Variants in NAA16 observed in about 807,000 individuals in gnomAD.
The protein encoded by NAA16 is NARG1-like protein.
A neutral mutation model predicts 110.3 loss-of-function variants in NAA16; 97 were observed. The ratio of observed to expected loss-of-function variants is 0.88; its 90% confidence interval spans 0.75 to 1.04. The LOEUF (loss-of-function observed/expected upper bound fraction) is 1.04. Ranked by LOEUF, NAA16 falls within the 50% of genes least tolerant of loss-of-function variation. The probability of loss-of-function intolerance (pLI) is 0.00; values close to 1 mark genes in which losing one functional copy is unlikely to be tolerated. For missense variants in NAA16, 1,017 were observed against 1,005.1 expected (o/e 1.01, Z -0.16); for synonymous variants, 372 against 330.6 (o/e 1.13, Z -1.36).
In NAA16 at chr13:41,369,155, A is replaced by G; in HGVS notation, c.1819A>G (p.Lys607Glu). The G allele has an allele frequency of 1.3e-6, 2 of 1,595,988 alleles. No individual in the cohort carries two copies. Among genetic ancestry groups the G allele is most frequent in the Non-Finnish European group, 1.7e-6 (2 of 1,174,804 alleles). The change falls in exon 15 of 20, where the codon AAA becomes GAA. Residue 607 changes from lysine to glutamate, a missense_variant. Coordinates refer to ENST00000379406, the MANE Select transcript of NAA16 (RefSeq NM_024561.5). Reference sequence around the variant, plus strand: ...GCAGAGAAGAGCTCAGAAAAAGGCTAAACTAGAAGAAGAAAGAAAGCATGC... The same window carrying G: ...GCAGAGAAGAGCTCAGAAAAAGGCTGAACTAGAAGAAGAAAGAAAGCATGC... ...SKQRRAQKKA[K>E]LEEERKHAER...
At position 41,320,832 on chromosome 13, in the gene NAA16, C is replaced by T. The variant is rs559283228; in HGVS notation, c.402+8C>T. On this transcript the variant is annotated splice_region_variant and intron_variant, in intron 4 of 19. Coordinates refer to ENST00000379406, the MANE Select transcript of NAA16 (RefSeq NM_024561.5). ...GACCTTGAAGGTTACCGAGTAAGTA[C>T]TTCATTCTTAAATGTACATGATTTT... 6.3e-7 allele frequency: 1 copy of T among 1,583,964 alleles called. No individual in the cohort carries two copies. The highest frequency in any genetic ancestry group is 1.9e-5 in the Admixed American group (1 of 52,566).
At chr13:41,318,656 T>C in intron 2 of NAA16, 150 bp from the exon 3 acceptor site, 1 of 412,624 alleles carries the variant, frequency 2.4e-6, no homozygotes, top group East Asian at 3.6e-5. Context: ...GTTTTACTTT[T>C]TCTACTTGGA....
chr13:41,341,083 G>A (rs1489073614), intron 9 of NAA16, among the ~76,000 whole-genome samples: 5 of 152,078 alleles, frequency 3.3e-5, no homozygotes, highest in African/African-American at 1.2e-4. Flanking sequence ...CCAGTTATGC[G>A]GTCAATTTTA....
chr13:41,350,617 TTTG>T (rs201707291), intron 9 of NAA16, among the ~76,000 whole-genome samples: 1,625 of 22,738 alleles, frequency 0.071, 29 homozygotes, highest in South Asian at 0.17. Flanking sequence ...GTTTTTTTTT[TTTG>T]TTTGTTTGTT....
At chr13:41,366,896 A>G (rs557509115) in intron 13 of NAA16, among the ~76,000 whole-genome samples, 2 of 152,308 alleles carry the variant, frequency 1.3e-5, no homozygotes, top group Admixed American at 1.3e-4. Context: ...CGCATCCCTA[A>G]TAAGAAGCTT....
chr13:41,314,900 C>T (rs543394135), intron 1 of NAA16, among the ~76,000 whole-genome samples: 75 of 152,092 alleles, frequency 4.9e-4, no homozygotes, highest in Non-Finnish European at 9.3e-4. Flanking sequence ...ACTCAGGAGG[C>T]TAAGGTGGGA....
Position 41,323,200 on chromosome 13 carries a change from T to G in NAA16, c.537+10T>G. ...TAGACAAACTCAGCAAGTAAGAATT[T>G]TAATGTTTCCTTCTACCTTCATAAA... is the stretch of plus-strand genomic sequence containing the variant. On this transcript the variant is annotated intron_variant, in intron 5 of 19. Coordinates refer to ENST00000379406, the MANE Select transcript of NAA16 (RefSeq NM_024561.5). The G allele has an allele frequency of 6.2e-7, 1 of 1,612,982 alleles. No homozygotes were observed. Among genetic ancestry groups the G allele is most frequent in the Non-Finnish European group, 8.5e-7 (1 of 1,179,420 alleles).
In NAA16 at chr13:41,347,947, A is replaced by G. The variant is rs959650984; in HGVS notation, c.1015-7197A>G. ...AGGAAAAGCATCTAGATTTTTCACC[A>G]TTAAGTACTGTGTTAGCTGTGGGTT... On this transcript the variant is annotated intron_variant, in intron 9 of 19. Coordinates refer to ENST00000379406, the MANE Select transcript of NAA16 (RefSeq NM_024561.5). 3.9e-5 allele frequency among the ~76,000 whole-genome samples: 6 copies of G among 152,172 alleles called. No homozygotes were observed. The East Asian group carries it at 5.8e-4, about 15-fold the overall frequency.
intron 8 of NAA16, among the ~76,000 whole-genome samples, chr13:41,332,962 G>A (rs1169683429): frequency 6.6e-6 from 1 of 152,088 alleles, no homozygotes; most frequent in Non-Finnish European, 1.5e-5. Flanking sequence ...AATACAGAGA[G>A]CAGATTTCTC....
chr13:41,325,463 T>A (rs1593427253), intron 5 of NAA16, among the ~76,000 whole-genome samples: 1 of 152,212 alleles, frequency 6.6e-6, no homozygotes, highest in East Asian at 1.9e-4. Context: ...TTTTTATATT[T>A]GTATGTAGGA....
At chr13:41,351,455 T>G (rs960150855) in intron 9 of NAA16, among the ~76,000 whole-genome samples, 1 of 152,232 alleles carries the variant, frequency 6.6e-6, no homozygotes, top group Non-Finnish European at 1.5e-5. Flanking sequence ...AGTAGTGTAC[T>G]TAATTTAGTA....
At chr13:41,325,258 G>A (rs189827671) in intron 5 of NAA16, among the ~76,000 whole-genome samples, 2 of 141,740 alleles carry the variant, frequency 1.4e-5, no homozygotes, top group East Asian at 2.1e-4. Flanking sequence ...CCTGGCCAAC[G>A]GAACTTACAT....
chr13:41,328,613 A>G lies in NAA16; in HGVS notation c.692-111A>G, dbSNP rs577660972. 65 of 874,642 alleles carry G rather than the reference A, an allele frequency of 7.4e-5. No individual in the cohort carries two copies. The African/African-American group carries it at 1.1e-3, about 15-fold the overall frequency. 54.2% of individuals were successfully genotyped at this position (874,642 alleles called of 1,614,324 possible). On this transcript the variant is annotated intron_variant, in intron 6 of 19. Coordinates refer to ENST00000379406, the MANE Select transcript of NAA16 (RefSeq NM_024561.5). ...TGCAACATGCCCAAAGGGGAAGCATACAGAGTTCTGTCTTTTTAACCATCT... is the reference window on the plus strand; with the variant it reads ...TGCAACATGCCCAAAGGGGAAGCATGCAGAGTTCTGTCTTTTTAACCATCT...
rs754528971 is a variant in NAA16 at position 41,325,784 on chromosome 13, A to G, written c.624A>G (p.Glu208=). 8.9e-5 allele frequency: 144 copies of G among 1,609,248 alleles called. 2 individuals carry two copies. The South Asian group carries it at 1.6e-3, about 17-fold the overall frequency. Residue 208 remains glutamate, a synonymous_variant, in exon 6 of 20, where the codon GAA becomes GAG. Transcript: ENST00000379406. ...TGAGAGAGGCAGATCTGTTGCAGGA[A>G]TCTTTGGAACATATAGAAATGTATG... ...QVMREADLLQ[E]SLEHIEMYEK... is the part of the protein sequence containing the mutation.
rs1389510778 is a variant in NAA16, at chr13:41,362,035, G to T, written c.1415G>T (p.Gly472Val). ...TTTTGAATGCTTCCATTTCAGGAAG[G>T]AACATCTGCCATGGAAAATCTAAAT... ...EEMCSKFTRE[G>V]TSAMENLNEM... Residue 472 changes from glycine to valine, a missense_variant, in exon 13 of 20, where the codon GGA becomes GTA. By Grantham distance (109) the Gly-to-Val change is moderately radical. Coordinates refer to ENST00000379406, the MANE Select transcript of NAA16 (RefSeq NM_024561.5). 2 of 1,609,898 alleles carry T rather than the reference G, an allele frequency of 1.2e-6. No homozygotes were observed. The highest frequency in any genetic ancestry group is 2.7e-5 in the African/African-American group (2 of 74,640).
intron 6 of NAA16, among the ~76,000 whole-genome samples, chr13:41,326,326 A>G (rs950563839): frequency 3.3e-5 from 5 of 152,196 alleles, no homozygotes; most frequent in African/African-American, 1.2e-4. Context: ...GGGGTCAAAC[A>G]AAAATTTTCA....
intron 15 of NAA16, among the ~76,000 whole-genome samples, chr13:41,371,812 T>A (rs1401179027): frequency 2.0e-5 from 3 of 152,206 alleles, no homozygotes; most frequent in Non-Finnish European, 2.9e-5. Context: ...ATGGGTCAAC[T>A]GTATTATAAG....
intron 9 of NAA16, among the ~76,000 whole-genome samples, chr13:41,339,372 CA>C (rs2042470667): frequency 6.6e-6 from 1 of 152,098 alleles, no homozygotes; most frequent in South Asian, 2.1e-4. Flanking sequence ...CTCCTGACCT[CA>C]GGTGATCTGC....
chr13:41,345,190 C>T (rs1226106861), intron 9 of NAA16, among the ~76,000 whole-genome samples: 2 of 152,140 alleles, frequency 1.3e-5, no homozygotes, highest in Non-Finnish European at 2.9e-5. Context: ...TTCCATTTCT[C>T]TTAGGTGTGT....
Sources: gnomAD v4.1 joint callset for allele counts (sites outside exome capture counted in the v4.1 genomes callset) on GRCh38, gnomAD v4.1.1 for gene constraint, MANE v1.5 for transcripts, NCBI Gene and HGNC (gene_info 2026-07-23, HGNC 2026-07-21) for gene names.